ARHGEF4: variants seen among roughly 807,000 people sequenced by gnomAD.
The protein encoded by ARHGEF4 is Rho guanine nucleotide exchange factor 4, also known as APC-stimulated guanine nucleotide exchange factor 1.
Under a neutral mutation model 162.0 loss-of-function variants are expected in ARHGEF4, and 119 were observed. That is an observed-to-expected ratio of 0.73 (90% CI 0.63 to 0.86). The LOEUF is 0.86. Ranked by LOEUF, ARHGEF4 falls within the 40% of genes least tolerant of loss-of-function variation. ARHGEF4 has a pLI of 0.00. For missense variants in ARHGEF4, 2,488 were observed against 2,456.0 expected (o/e 1.01, Z -0.28); for synonymous variants, 1,014 against 979.9 (o/e 1.03, Z -0.65).
At position 130,946,378 on chromosome 2, in the gene ARHGEF4, C is replaced by G. The variant is rs376282938; in HGVS notation, c.3859-131C>G. On this transcript the variant is annotated intron_variant, in intron 3 of 13. Transcript: ENST00000409359. Reference sequence around the variant, plus strand: ...TTGATGTGAAAGGCATCCCCTGGAGCTGTGCATATTTTGGTTGTGTGCTCT... The same window carrying G: ...TTGATGTGAAAGGCATCCCCTGGAGGTGTGCATATTTTGGTTGTGTGCTCT... 2.7e-6 allele frequency: 3 copies of G among 1,112,014 alleles called. No homozygotes were observed. The African/African-American group carries it at 4.7e-5, about 17-fold the overall frequency. The allele number at this position is 1,112,014 out of a possible 1,614,324, so 68.9% of individuals were successfully genotyped here. A position where few individuals can be genotyped will look rare whatever the true frequency, so the allele number is the denominator to read the frequency against.
At chr2:130,894,253 C>T (rs1574177103) in intron 1 of ARHGEF4, among the ~76,000 whole-genome samples, 1 of 152,206 alleles carries the variant, frequency 6.6e-6, no homozygotes, top group Admixed American at 6.5e-5. Context: ...TGGATGCGCT[C>T]ACCCATGTTC....
At chr2:130,938,838 TTC>T (rs1021761625) in intron 3 of ARHGEF4, among the ~76,000 whole-genome samples, 1 of 152,214 alleles carries the variant, frequency 6.6e-6, no homozygotes, top group African/African-American at 2.4e-5. Flanking sequence ...AAAGATTTTC[TTC>T]TGTTTTTTCT....
chr2:130,998,119 T>A (rs1687522908), intron 4 of ARHGEF4, among the ~76,000 whole-genome samples: 1 of 152,256 alleles, frequency 6.6e-6, no homozygotes, highest in Non-Finnish European at 1.5e-5. Context: ...TGCCCACTTC[T>A]ACATGCAAAT....
chr2:130,837,202 A>T (rs1447357969), intron 1 of ARHGEF4, among the ~76,000 whole-genome samples: 2 of 151,866 alleles, frequency 1.3e-5, no homozygotes, highest in Non-Finnish European at 2.9e-5. Flanking sequence ...GAGCGCGGGG[A>T]AGGACGGGGC....
chr2:130,856,196 C>A (rs570551115), intron 1 of ARHGEF4, among the ~76,000 whole-genome samples: 1 of 152,142 alleles, frequency 6.6e-6, no homozygotes, highest in African/African-American at 2.4e-5. Context: ...GAAAATATAA[C>A]GACCAAATAG....
At chr2:131,038,306 C>T (rs1465072112) in intron 5 of ARHGEF4, among the ~76,000 whole-genome samples, 1 of 149,290 alleles carries the variant, frequency 6.7e-6, no homozygotes, top group African/African-American at 2.5e-5. Context: ...TGCAGCCTTG[C>T]AGCGCCCAGC....
chr2:131,030,140 G>A (rs1044805033), intron 5 of ARHGEF4, among the ~76,000 whole-genome samples: 1 of 152,222 alleles, frequency 6.6e-6, no homozygotes, highest in African/African-American at 2.4e-5. Context: ...TCCATGGCTG[G>A]CCTTATGGCT....
intron 4 of ARHGEF4, among the ~76,000 whole-genome samples, chr2:130,952,746 A>T (rs1684032291): frequency 6.6e-6 from 1 of 152,224 alleles, no homozygotes; most frequent in African/African-American, 2.4e-5. Context: ...TGCAAAAATC[A>T]CAAGCATTCC....
intron 4 of ARHGEF4, among the ~76,000 whole-genome samples, chr2:130,992,270 A>C (rs1472319096): frequency 6.6e-6 from 1 of 152,148 alleles, no homozygotes; most frequent in Non-Finnish European, 1.5e-5. Flanking sequence ...TGCCTGCGCT[A>C]GCACTGGCAA....
chr2:130,974,763 CT>C (rs1185923005), intron 4 of ARHGEF4, among the ~76,000 whole-genome samples: 1 of 152,004 alleles, frequency 6.6e-6, no homozygotes, highest in Non-Finnish European at 1.5e-5. Flanking sequence ...CACCCGGCAA[CT>C]TTTTTGAGTA....
chr2:131,000,201 G>A (rs1434878295), intron 4 of ARHGEF4, among the ~76,000 whole-genome samples: 1 of 152,182 alleles, frequency 6.6e-6, no homozygotes, highest in Non-Finnish European at 1.5e-5. Flanking sequence ...TCATTATAAT[G>A]TCTTATAATT....
intron 8 of ARHGEF4, 114 bp from the exon 9 acceptor site, chr2:131,041,116 C>G: frequency 1.0e-6 from 1 of 975,816 alleles, no homozygotes; most frequent in Admixed American, 2.3e-5. Flanking sequence ...TCTCCCCTAG[C>G]CCCCAGCCCA....
intron 4 of ARHGEF4, among the ~76,000 whole-genome samples, chr2:130,977,488 A>T (rs997610971): frequency 2.0e-5 from 3 of 150,870 alleles, no homozygotes; most frequent in Non-Finnish European, 3.0e-5. Context: ...CTTTGTGTGT[A>T]TAGTGGTTTT....
intron 6 of ARHGEF4, chr2:131,039,431 G>T (rs1690585451): frequency 1.9e-6 from 2 of 1,036,152 alleles, no homozygotes; most frequent in Non-Finnish European, 2.3e-6. Flanking sequence ...CAAGTTATTA[G>T]CCCTGGAGAT....
intron 1 of ARHGEF4, among the ~76,000 whole-genome samples, chr2:130,842,003 C>G (rs759126128): frequency 1.8e-4 from 27 of 152,322 alleles, no homozygotes; most frequent in South Asian, 4.1e-4. Flanking sequence ...TCACCATTCT[C>G]CCTGGTTTTT....
chr2:130,916,086 G>A lies in ARHGEF4; in HGVS notation c.2140G>A (p.Gly714Arg), dbSNP rs1293944663. 4 of 1,550,142 alleles carry A rather than the reference G, an allele frequency of 2.6e-6. No homozygotes were observed. Among genetic ancestry groups the A allele is most frequent in the African/African-American group, 2.7e-5 (2 of 73,048 alleles). Reference protein sequence around the residue: ...LQRVAQAAELGRVLVPQAASE... With the variant: ...LQRVAQAAELRRVLVPQAASE... ...GCGGGTGGCCCAGGCCGCAGAGCTT[G>A]GGAGAGTGCTGGTCCCCCAAGCTGC... The change falls in exon 2 of 14, where the codon GGG (glycine) becomes AGG (arginine). Residue 714 changes from glycine to arginine, a missense_variant. This residue lies in a region of ARHGEF4 where 1,642 missense variants were observed against 1,481.5 expected (regional missense o/e 1.11). Coordinates refer to ENST00000409359, the MANE Select transcript of ARHGEF4 (RefSeq NM_001367493.1).
At chr2:131,002,081 ATACT>A (rs1468489367) in intron 4 of ARHGEF4, among the ~76,000 whole-genome samples, 5 of 152,220 alleles carry the variant, frequency 3.3e-5, no homozygotes, top group Non-Finnish European at 4.4e-5. Flanking sequence ...TATTGAACAA[ATACT>A]TACTGAGAAT....
intron 1 of ARHGEF4, among the ~76,000 whole-genome samples, chr2:130,876,293 C>T (rs1459325480): frequency 1.3e-5 from 2 of 152,128 alleles, no homozygotes; most frequent in Admixed American, 6.5e-5. Flanking sequence ...TGAATGCTGC[C>T]GAGTGGATGG....
At chr2:130,862,917 C>A (rs1682031774) in intron 1 of ARHGEF4, among the ~76,000 whole-genome samples, 1 of 103,970 alleles carries the variant, frequency 9.6e-6, no homozygotes, top group South Asian at 3.3e-4. Context: ...AATTTGTATC[C>A]AGAATATACA....
Sources: gnomAD v4.1 joint callset for allele counts (sites outside exome capture counted in the v4.1 genomes callset) on GRCh38, gnomAD v4.1.1 for gene constraint, gnomAD v4.1.1 regional missense constraint, MANE v1.5 for transcripts, NCBI Gene and HGNC (gene_info 2026-07-23, HGNC 2026-07-21) for gene names.